The following NR2E1 variants were observed in gnomAD, a reference collection of about 807,000 sequenced individuals.
The protein encoded by NR2E1 is nuclear receptor TLX.
A neutral mutation model predicts 43.6 loss-of-function variants in NR2E1; 5 were observed. That is an observed-to-expected ratio of 0.11 (90% confidence interval 0.06 to 0.24). The LOEUF (loss-of-function observed/expected upper bound fraction) is 0.24. Among genes scored for constraint, NR2E1 ranks in the 10% least tolerant of loss-of-function variants. The pLI, the probability that NR2E1 is intolerant of heterozygous loss-of-function variation, is 1.00. For missense variants in NR2E1, 287 were observed against 496.7 expected (o/e 0.58, Z 4.01); for synonymous variants, 191 against 195.5 (o/e 0.98, Z 0.19).
chr6:108,174,799 G>A, intron 2 of NR2E1, 37 bp from the exon 3 acceptor site: 2 of 1,576,520 alleles, frequency 1.3e-6, no homozygotes, highest in Non-Finnish European at 1.7e-6. Flanking sequence ...CAGCCTAAAG[G>A]CCCTGGGGAC....
chr6:108,178,477 G>A (rs1439725454), intron 5 of NR2E1, among the ~76,000 whole-genome samples: 1 of 152,188 alleles, frequency 6.6e-6, no homozygotes, highest in African/African-American at 2.4e-5. Flanking sequence ...GGTCCAGTCT[G>A]TGAAAACACA....
chr6:108,174,729 C>A, intron 2 of NR2E1, 107 bp from the exon 3 acceptor site: 1 of 881,710 alleles, frequency 1.1e-6, no homozygotes, highest in Non-Finnish European at 1.9e-6. Context: ...CCAGGGCCTG[C>A]GGCCGGGCAA....
rs1341833386 is a variant in NR2E1 at position 108,185,400 on chromosome 6, A to G, written c.996-1901A>G. On this transcript the variant is annotated intron_variant, in intron 8 of 8. Transcript: ENST00000368986. ...CTCTAACACACACACACACACACGC[A>G]CACACACATACACACACACACACAC... Among the ~76,000 whole-genome samples the G allele has an allele frequency of 1.7e-4, 16 of 94,232 alleles. 1 individual carries two copies. In the South Asian group the frequency reaches 4.1e-3, roughly 24 times the overall value. The allele number at this position is 94,232 out of a possible 152,430, so 61.8% of individuals were successfully genotyped here.
intron 1 of NR2E1, chr6:108,167,933 CAAG>C (rs755597780): frequency 3.0e-5 from 42 of 1,403,850 alleles, no homozygotes; most frequent in Non-Finnish European, 3.9e-5. Context: ...TACCCCCCTC[CAAG>C]AAGGAGGTTG....
At chr6:108,167,417 T>C (rs1473186306) in intron 1 of NR2E1, among the ~76,000 whole-genome samples, 1 of 151,548 alleles carries the variant, frequency 6.6e-6, no homozygotes. Flanking sequence ...GAGGCAGGAG[T>C]GCGCGGCCTG....
At chr6:108,184,482 A>G (rs79655871) in intron 8 of NR2E1, among the ~76,000 whole-genome samples, 10,478 of 152,236 alleles carry the variant, frequency 0.069, 477 homozygotes, top group South Asian at 0.15. Flanking sequence ...GAGGAAAGCA[A>G]TGTGGGGAGT....
intron 8 of NR2E1, among the ~76,000 whole-genome samples, chr6:108,182,241 CAA>C (rs766203121): frequency 0.024 from 1,803 of 74,312 alleles, 27 homozygotes; most frequent in African/African-American, 0.072. Flanking sequence ...GACTCCGTCT[CAA>C]AAAAAAAAAA....
chr6:108,180,944 A>G lies in NR2E1; in HGVS notation c.877A>G (p.Thr293Ala). The G allele has an allele frequency of 6.2e-7, 1 of 1,614,170 alleles. No homozygotes were observed. The highest frequency in any genetic ancestry group is 8.5e-7 in the Non-Finnish European group (1 of 1,180,028). ...TEFACLKCIV[T>A]FKAVPTHSGS... The stretch of plus-strand genomic sequence containing the variant: ...ATTTGCCTGTCTAAAATGCATCGTC[A>G]CTTTCAAAGCCGGTAAGCAGACACA... Residue 293 changes from threonine to alanine, a missense_variant, in exon 7 of 9, where the codon ACT becomes GCT. This residue lies in a region of NR2E1 where 119 missense variants were observed against 187.0 expected (regional missense o/e 0.64). Coordinates refer to ENST00000368986, the MANE Select transcript of NR2E1 (RefSeq NM_003269.5). This position sits in a 1 kb window ranked among gnomAD's most constrained non-coding sequence, Gnocchi z 5.4.
chr6:108,167,005 C>T (rs903884947), intron 1 of NR2E1, among the ~76,000 whole-genome samples: 5 of 152,140 alleles, frequency 3.3e-5, no homozygotes, highest in Non-Finnish European at 7.3e-5. Flanking sequence ...TGCTTGATCC[C>T]CCCTGTCTGG....
intron 3 of NR2E1, among the ~76,000 whole-genome samples, chr6:108,175,909 C>T (rs1686872435): frequency 6.6e-6 from 1 of 152,272 alleles, no homozygotes; most frequent in Non-Finnish European, 1.5e-5. Context: ...GTAATTGTCA[C>T]ATCTCCCCTG....
At chr6:108,181,485 G>A (rs148051098) in intron 7 of NR2E1, 61 bp from the exon 8 acceptor site, 8 of 1,396,032 alleles carry the variant, frequency 5.7e-6, no homozygotes, top group East Asian at 2.3e-5. Flanking sequence ...TGAGCACTGC[G>A]CTCGGCTCCC....
At chr6:108,185,782 C>A (rs1774067488) in intron 8 of NR2E1, among the ~76,000 whole-genome samples, 1 of 152,230 alleles carries the variant, frequency 6.6e-6, no homozygotes, top group African/African-American at 2.4e-5. Context: ...CCTTTCCCAA[C>A]TAAAGAATAA....
intron 5 of NR2E1, among the ~76,000 whole-genome samples, chr6:108,179,487 A>G (rs1378299042): frequency 8.6e-6 from 1 of 115,890 alleles, no homozygotes; most frequent in Non-Finnish European, 1.7e-5. Context: ...AGCTCTAACC[A>G]CTTCCTGTGT....
chr6:108,167,788 T>C (rs1280523753), intron 1 of NR2E1, among the ~76,000 whole-genome samples: 1 of 152,052 alleles, frequency 6.6e-6, no homozygotes, highest in East Asian at 1.9e-4. Flanking sequence ...TTTGGCGCTC[T>C]GTGCGTTCCT....
intron 8 of NR2E1, among the ~76,000 whole-genome samples, chr6:108,183,236 C>T (rs1248464439): frequency 6.6e-6 from 1 of 151,870 alleles, no homozygotes; most frequent in East Asian, 1.9e-4. Flanking sequence ...GGTGGCTCCA[C>T]ACCTGTAATC....
Position 108,171,474 on chromosome 6 carries a change from C to G in NR2E1, c.42C>G (p.Ile14Met), listed in dbSNP as rs1193682725. ...PAGSTSRILD[I>M]PCKVCGDRSS... ...CGATTTCAGGCCGCATTTTAGATAT[C>G]CCCTGCAAAGTGTGTGGCGACCGCA... The change falls in exon 2 of 9, where the codon ATC (isoleucine) becomes ATG (methionine). Residue 14 changes from isoleucine to methionine, a missense_variant. Transcript: ENST00000368986. 2 of 1,613,976 alleles carry G rather than the reference C, an allele frequency of 1.2e-6. No individual in the cohort carries two copies. The highest frequency in any genetic ancestry group is 1.7e-6 in the Non-Finnish European group (2 of 1,180,002).
chr6:108,168,041 G>A (rs373118699), intron 1 of NR2E1: 1 of 1,599,400 alleles, frequency 6.3e-7, no homozygotes, highest in Non-Finnish European at 8.5e-7. Flanking sequence ...TTCGAGCTGG[G>A]GCAGAGGGAG....
At chr6:108,181,341 A>G (rs917617551) in intron 7 of NR2E1, among the ~76,000 whole-genome samples, 1 of 152,072 alleles carries the variant, frequency 6.6e-6, no homozygotes, top group Non-Finnish European at 1.5e-5. Flanking sequence ...TTACAGACAC[A>G]TGCCACCATG....
rs139738995 is a variant in NR2E1, at chr6:108,176,607, T to C, written c.364T>C (p.Ser122Pro). The C allele has an allele frequency of 1.0e-4, 162 of 1,612,270 alleles. 1 individual carries two copies. Among genetic ancestry groups the C allele is most frequent in the Middle Eastern group, 6.7e-4 (4 of 5,960 alleles). ...GAACGGGGCCGCCGCGCACTTTCCC[T>C]CGGCGGCGCTCCCTGCGCCGGCCTT... ...EENGAAAHFP[S>P]AALPAPAFFT... The change falls in exon 4 of 9, where the codon TCG becomes CCG. Residue 122 changes from serine (S) to proline (P), a missense_variant. Physicochemically the swap from Ser to Pro is moderately conservative, Grantham distance 74. This residue lies in a region of NR2E1 where 119 missense variants were observed against 155.7 expected (regional missense o/e 0.76). Transcript: ENST00000368986.
Sources: allele counts gnomAD v4.1 joint callset (sites outside exome capture counted in the v4.1 genomes callset), GRCh38; gene constraint gnomAD v4.1.1; regional missense constraint gnomAD v4.1.1; non-coding constraint Gnocchi (gnomAD v3.1); transcripts MANE v1.5; gene names NCBI Gene and HGNC (gene_info 2026-07-23, HGNC 2026-07-21).